Variants in MBD5 observed in about 807,000 individuals in gnomAD.
The protein encoded by MBD5 is methyl-CpG-binding domain protein 5.
MBD5 carries 13 observed loss-of-function variants against 117.3 expected under a neutral mutation model. That is an observed-to-expected ratio of 0.11 (90% CI 0.07 to 0.18). MBD5 has a LOEUF of 0.18. Ranked by LOEUF, MBD5 falls within the 10% of genes least tolerant of loss-of-function variation. The pLI is 1.00. For synonymous variants in MBD5, 727 were observed against 766.4 expected (o/e 0.95, Z 0.85); for missense variants, 1,879 against 2,093.8 (o/e 0.90, Z 2.00).
At chr2:148,246,736 C>A (rs1398344488) in intron 3 of MBD5, among the ~76,000 whole-genome samples, 1 of 126,550 alleles carries the variant, frequency 7.9e-6, no homozygotes, top group Non-Finnish European at 1.6e-5. Context: ...TGCACTCCAG[C>A]CTGGGTGACA....
chr2:148,424,345 A>G (rs183642864), intron 4 of MBD5, among the ~76,000 whole-genome samples: 26 of 152,126 alleles, frequency 1.7e-4, no homozygotes, highest in Non-Finnish European at 3.4e-4. Flanking sequence ...TATCCTAAAT[A>G]TATATGCACC....
intron 13 of MBD5, among the ~76,000 whole-genome samples, chr2:148,511,782 A>G (rs1682221993): frequency 6.6e-6 from 1 of 152,240 alleles, no homozygotes; most frequent in Admixed American, 6.5e-5. Flanking sequence ...GATTAGGAGG[A>G]ATAGGCAGAT....
chr2:148,143,180 A>T (rs1416591651), intron 1 of MBD5, among the ~76,000 whole-genome samples: 2 of 152,368 alleles, frequency 1.3e-5, no homozygotes, highest in South Asian at 2.1e-4. Flanking sequence ...GCAACTTTAA[A>T]CAACGTACAG....
At chr2:148,284,141 G>T (rs1044541913) in intron 3 of MBD5, among the ~76,000 whole-genome samples, 2 of 151,956 alleles carry the variant, frequency 1.3e-5, no homozygotes, top group Non-Finnish European at 2.9e-5. Flanking sequence ...ATGGAGTTTG[G>T]GGGATTAAAT....
At chr2:148,355,970 T>A (rs929852994) in intron 4 of MBD5, among the ~76,000 whole-genome samples, 21 of 152,312 alleles carry the variant, frequency 1.4e-4, no homozygotes, top group African/African-American at 5.1e-4. Context: ...TGTTTTTCCA[T>A]TTGTTTGTGT....
At chr2:148,154,207 G>A (rs1297325300) in intron 1 of MBD5, among the ~76,000 whole-genome samples, 3 of 151,470 alleles carry the variant, frequency 2.0e-5, no homozygotes, top group Non-Finnish European at 1.5e-5. Flanking sequence ...CGTGTGAGGT[G>A]TCAGTCTGCC....
chr2:148,420,384 C>T (rs776885863), intron 4 of MBD5, among the ~76,000 whole-genome samples: 5 of 152,170 alleles, frequency 3.3e-5, no homozygotes, highest in Non-Finnish European at 7.4e-5. Flanking sequence ...TGTCCCCCAA[C>T]TTCAAAACCC....
intron 3 of MBD5, among the ~76,000 whole-genome samples, chr2:148,331,693 T>C (rs527750145): frequency 3.3e-5 from 5 of 152,254 alleles, no homozygotes; most frequent in African/African-American, 1.2e-4. Context: ...CTTCAGATTT[T>C]CAAGGCATGA....
At chr2:148,054,642 G>A (rs187228694) in intron 1 of MBD5, 4 of 152,302 alleles carry the variant, frequency 2.6e-5, no homozygotes, top group Admixed American at 2.6e-4. Flanking sequence ...AGTCATTTTA[G>A]AAATTTAGTA....
intron 4 of MBD5, among the ~76,000 whole-genome samples, chr2:148,363,425 G>T (rs1703600196): frequency 6.6e-6 from 1 of 152,018 alleles, no homozygotes; most frequent in African/African-American, 2.4e-5. Context: ...TGTAGAGACG[G>T]GGTTTCGCTG....
chr2:148,158,577 C>CT (rs1450279678), intron 1 of MBD5, among the ~76,000 whole-genome samples: 2 of 152,186 alleles, frequency 1.3e-5, no homozygotes, highest in Non-Finnish European at 2.9e-5. Context: ...GCCGTTTATA[C>CT]TGTCATTTAA....
chr2:148,330,934 A>T (rs985214279), intron 3 of MBD5, among the ~76,000 whole-genome samples: 12 of 152,202 alleles, frequency 7.9e-5, no homozygotes, highest in African/African-American at 2.9e-4. Flanking sequence ...CTTAAGCAAA[A>T]AGAGGTTTAA....
chr2:148,516,858 A>G lies in MBD5; in HGVS notation c.*3917A>G, dbSNP rs1217079451. ...ATTTAATAATTTGTTATGTAAATAC[A>G]AAGTTGTCTATAAATTGGAAAATTT... On this transcript the variant is annotated 3_prime_UTR_variant, in exon 14 of 14. Transcript: ENST00000642680. 4 of 152,244 alleles carry G rather than the reference A, an allele frequency of 2.6e-5. No individual in the cohort carries two copies. Among genetic ancestry groups the G allele is most frequent in the African/African-American group, 9.6e-5 (4 of 41,460 alleles). 9.4% of individuals were successfully genotyped at this position (152,244 alleles called of 1,614,324 possible). A position where few individuals can be genotyped will look rare whatever the true frequency, so the allele number is the denominator to read the frequency against.
At chr2:148,145,535 A>G (rs1278490879) in intron 1 of MBD5, among the ~76,000 whole-genome samples, 3 of 152,184 alleles carry the variant, frequency 2.0e-5, no homozygotes, top group African/African-American at 4.8e-5. Context: ...CCTGTTTTCA[A>G]AGGGAATGCT....
At chr2:148,219,975 A>G (rs1053759577) in intron 2 of MBD5, 1 of 152,186 alleles carries the variant, frequency 6.6e-6, no homozygotes, top group East Asian at 1.9e-4. Flanking sequence ...ATGGCGAGAT[A>G]TGTAAGTCAA....
intron 1 of MBD5, among the ~76,000 whole-genome samples, chr2:148,103,059 A>G (rs1307528323): frequency 3.9e-5 from 6 of 152,210 alleles, no homozygotes; most frequent in Non-Finnish European, 1.5e-5. Context: ...GTAAAAATAT[A>G]TATAACTTAT....
intron 4 of MBD5, among the ~76,000 whole-genome samples, chr2:148,348,852 C>T (rs1703183633): frequency 6.6e-6 from 1 of 151,816 alleles, no homozygotes; most frequent in South Asian, 2.1e-4. Context: ...GCTCACAGTT[C>T]AGAACTGGTT....
intron 3 of MBD5, among the ~76,000 whole-genome samples, chr2:148,320,010 A>C (rs1046499186): frequency 6.6e-6 from 1 of 152,216 alleles, no homozygotes; most frequent in South Asian, 2.1e-4. Context: ...TATTAAGATG[A>C]TCATATGATT....
intron 4 of MBD5, among the ~76,000 whole-genome samples, chr2:148,354,270 A>C (rs1237987890): frequency 6.5e-5 from 9 of 138,748 alleles, no homozygotes; most frequent in Admixed American, 1.5e-4. Context: ...CTTGCCCTCC[A>C]CCCCCCACCA....
Sources: allele counts gnomAD v4.1 joint callset (sites outside exome capture counted in the v4.1 genomes callset), GRCh38; gene constraint gnomAD v4.1.1; transcripts MANE v1.5; gene names NCBI Gene and HGNC (gene_info 2026-07-23, HGNC 2026-07-21).